The following USP14 variants were observed in gnomAD, a reference collection of about 807,000 sequenced individuals.
USP14 encodes ubiquitin carboxyl-terminal hydrolase 14.
A neutral mutation model predicts 76.5 loss-of-function variants in USP14; 38 were observed. The ratio of observed to expected loss-of-function variants is 0.50; its 90% CI spans 0.38 to 0.65. The LOEUF (loss-of-function observed/expected upper bound fraction) is 0.65. Ranked by LOEUF, USP14 falls within the 30% of genes least tolerant of loss-of-function variation. The pLI is 0.00. For synonymous variants in USP14, 192 were observed against 191.7 expected, an observed-to-expected ratio of 1.00 and a Z score of -0.01; for missense variants, 467 against 586.5, an observed-to-expected ratio of 0.80 and a Z score of 2.10.
chr18:214,579 G>C lies in USP14; in HGVS notation c.*3295G>C. On this transcript the variant is annotated 3_prime_UTR_variant, in exon 16 of 16. Coordinates refer to ENST00000261601, the MANE Select transcript of USP14 (RefSeq NM_005151.4). ...GTGGACCTCTTATCAAATGCTGCTTGGTAACAAAATCTATCACAGTTTTAA... is the reference window on the plus strand; with the variant it reads ...GTGGACCTCTTATCAAATGCTGCTTCGTAACAAAATCTATCACAGTTTTAA... The C allele has an allele frequency of 6.7e-7, 1 of 1,488,130 alleles. No individual in the cohort carries two copies. Among genetic ancestry groups the C allele is most frequent in the Non-Finnish European group, 9.2e-7 (1 of 1,092,196 alleles). 92.2% of individuals were successfully genotyped at this position (1,488,130 alleles called of 1,614,324 possible). A position where few individuals can be genotyped will look rare whatever the true frequency, so the allele number is the denominator to read the frequency against.
intron 13 of USP14, among the ~76,000 whole-genome samples, chr18:208,975 A>T (rs1362712536): frequency 6.6e-6 from 1 of 152,222 alleles, no homozygotes; most frequent in Non-Finnish European, 1.5e-5. Context: ...CGAGCTCCTG[A>T]TCTCAAGTGA....
Position 186,013 on chromosome 18 carries a change from A to G in USP14, c.404+5674A>G, listed in dbSNP as rs1456229917. 3.9e-5 allele frequency among the ~76,000 whole-genome samples: 6 copies of G among 152,224 alleles called. No individual in the cohort carries two copies. In the East Asian group the frequency reaches 1.2e-3, roughly 29 times the overall value. On this transcript the variant is annotated intron_variant, in intron 5 of 15. Coordinates refer to ENST00000261601, the MANE Select transcript of USP14 (RefSeq NM_005151.4). The stretch of plus-strand genomic sequence containing the variant: ...CACCACATCTGGCACACATATCTTC[A>G]TTCTAAGTAACAGATTTCAACTTGT...
At chr18:180,735 G>T (rs867616085) in intron 5 of USP14, among the ~76,000 whole-genome samples, 5 of 151,434 alleles carry the variant, frequency 3.3e-5, no homozygotes, top group Non-Finnish European at 7.4e-5. Context: ...GGTTCATTCA[G>T]GTTACAGCAC....
At position 211,262 on chromosome 18, in the gene USP14, T is replaced by A. The variant is rs367551785; in HGVS notation, c.1463T>A (p.Met488Lys). 1.2e-4 allele frequency: 193 copies of A among 1,610,662 alleles called. No homozygotes were observed. Among genetic ancestry groups the A allele is most frequent in the Non-Finnish European group, 1.5e-4 (182 of 1,178,426 alleles). Reference sequence around the variant, plus strand: ...TATGGGCCTCGCAGAGTTGAAATAATGGAAGAGGAAAGTGAACAGTAATCT... The same window carrying A: ...TATGGGCCTCGCAGAGTTGAAATAAAGGAAGAGGAAAGTGAACAGTAATCT... ...LLYGPRRVEI[M>K]EEESEQ Residue 488 changes from methionine to lysine, a missense_variant, in exon 16 of 16, where the codon ATG becomes AAG. Transcript: ENST00000261601.
chr18:201,333 C>G (rs549851813), intron 10 of USP14, among the ~76,000 whole-genome samples: 5 of 152,264 alleles, frequency 3.3e-5, no homozygotes, highest in Admixed American at 3.3e-4. Flanking sequence ...GGAATAGGTC[C>G]TCTGTGCAGA....
rs553722932 is a variant in USP14, at chr18:194,297, C to A, written c.463+1397C>A. 6.6e-5 allele frequency among the ~76,000 whole-genome samples: 10 copies of A among 152,300 alleles called. No homozygotes were observed. In the East Asian group the frequency reaches 9.7e-4, roughly 15 times the overall value. ...GAGAAAGTGTGATCATTTATATCTA[C>A]TTCATTTGACAGCTCATGTATCTTA... On this transcript the variant is annotated intron_variant, in intron 6 of 15. Coordinates refer to ENST00000261601, the MANE Select transcript of USP14 (RefSeq NM_005151.4).
intron 2 of USP14, 33 bp from the exon 3 acceptor site, chr18:166,754 T>C: frequency 6.2e-7 from 1 of 1,605,336 alleles, no homozygotes. Context: ...TGTACAGTGG[T>C]GGTTAAATGT....
chr18:171,022 AAAAATATATATATATAT>A (rs1440040128), intron 3 of USP14, among the ~76,000 whole-genome samples: 2 of 74,170 alleles, frequency 2.7e-5, no homozygotes, highest in Middle Eastern at 5.3e-3. Flanking sequence ...AAAAAAAAAA[AAAAATATATATATATAT>A]ATATATATAT....
intron 3 of USP14, among the ~76,000 whole-genome samples, chr18:169,149 G>C (rs534807715): frequency 6.6e-6 from 1 of 151,636 alleles, no homozygotes; most frequent in Non-Finnish European, 1.5e-5. Flanking sequence ...CCAGCACTTT[G>C]GGAGGCCAAG....
At chr18:168,852 C>G (rs1052247703) in intron 3 of USP14, among the ~76,000 whole-genome samples, 2 of 149,268 alleles carry the variant, frequency 1.3e-5, no homozygotes, top group African/African-American at 5.0e-5. Context: ...GCGGGTGGAT[C>G]ACGAAGTCGG....
intron 3 of USP14, among the ~76,000 whole-genome samples, chr18:175,357 G>C (rs1235058669): frequency 6.6e-6 from 1 of 152,094 alleles, no homozygotes; most frequent in Non-Finnish European, 1.5e-5. Context: ...TGACCTTAGG[G>C]GAAAAGCCTC....
chr18:210,347 T>C (rs2143106370), intron 14 of USP14, 39 bp from the exon 15 acceptor site: 1 of 1,427,388 alleles, frequency 7.0e-7, no homozygotes, highest in East Asian at 2.3e-5. Flanking sequence ...CACATGTCTA[T>C]TCATTGTCTA....
At chr18:208,661 A>G (rs1250749740) in intron 13 of USP14, among the ~76,000 whole-genome samples, 3 of 152,166 alleles carry the variant, frequency 2.0e-5, no homozygotes, top group Non-Finnish European at 4.4e-5. Flanking sequence ...AGAAGGGTCT[A>G]AGTAATTTTC....
intron 15 of USP14, 98 bp from the exon 16 acceptor site, chr18:211,034 GC>G: frequency 7.9e-7 from 1 of 1,264,046 alleles, no homozygotes; most frequent in Non-Finnish European, 1.1e-6. Flanking sequence ...GGCCAGTGGA[GC>G]ACTGCTGTGC....
chr18:172,518 A>C (rs569375810), intron 3 of USP14, among the ~76,000 whole-genome samples: 1 of 152,208 alleles, frequency 6.6e-6, no homozygotes, highest in Non-Finnish European at 1.5e-5. Context: ...AATGCTATTA[A>C]ACAGCACCGC....
At chr18:176,713 C>T (rs965117491) in intron 3 of USP14, among the ~76,000 whole-genome samples, 2 of 151,946 alleles carry the variant, frequency 1.3e-5, no homozygotes, top group Non-Finnish European at 2.9e-5. Flanking sequence ...GAAAATCTTC[C>T]AACAATGCAT....
intron 10 of USP14, among the ~76,000 whole-genome samples, chr18:202,391 C>A (rs1448228522): frequency 6.6e-6 from 1 of 152,202 alleles, no homozygotes; most frequent in African/African-American, 2.4e-5. Flanking sequence ...AAAGGCTTTC[C>A]CACATCTGTT....
At chr18:189,873 T>A (rs1910039531) in intron 5 of USP14, among the ~76,000 whole-genome samples, 1 of 152,172 alleles carries the variant, frequency 6.6e-6, no homozygotes, top group African/African-American at 2.4e-5. Flanking sequence ...CACATCCATA[T>A]ACCCAAAATA....
chr18:195,105 T>C (rs1305369895), intron 6 of USP14, among the ~76,000 whole-genome samples: 1 of 152,136 alleles, frequency 6.6e-6, no homozygotes. Flanking sequence ...ATCTTATTAG[T>C]CTCTTTTAAT....
Sources: allele counts gnomAD v4.1 joint callset (sites outside exome capture counted in the v4.1 genomes callset), GRCh38; gene constraint gnomAD v4.1.1; transcripts MANE v1.5; gene names NCBI Gene and HGNC (gene_info 2026-07-23, HGNC 2026-07-21).